Variants in LATS2 observed in about 807,000 individuals in gnomAD.
LATS2 encodes the protein large tumor suppressor kinase 2, also known as serine/threonine-protein kinase LATS2.
LATS2 carries 24 observed loss-of-function variants against 76.0 expected under a neutral mutation model. The ratio of observed to expected loss-of-function variants is 0.32; its 90% CI spans 0.23 to 0.44. LATS2 has a LOEUF of 0.44. Among genes scored for constraint, LATS2 ranks in the 20% least tolerant of loss-of-function variants. The pLI is 1.00. For synonymous variants in LATS2, 692 were observed against 635.4 expected, an observed-to-expected ratio of 1.09 and a Z score of -1.34; for missense variants, 1,286 against 1,481.2, an observed-to-expected ratio of 0.87 and a Z score of 2.16.
At chr13:21,043,692 A>G (rs1352750118) in intron 2 of LATS2, among the ~76,000 whole-genome samples, 1 of 152,182 alleles carries the variant, frequency 6.6e-6, no homozygotes, top group Non-Finnish European at 1.5e-5. Flanking sequence ...CTTTTAGTGT[A>G]TTTGTGTTTC....
intron 2 of LATS2, among the ~76,000 whole-genome samples, chr13:20,998,604 C>T (rs903232003): frequency 1.3e-5 from 2 of 152,238 alleles, no homozygotes; most frequent in Admixed American, 6.5e-5. Context: ...CAACCCCACC[C>T]CCACGGAAAG....
At chr13:21,047,120 C>T (rs1873101800) in intron 1 of LATS2, among the ~76,000 whole-genome samples, 1 of 152,110 alleles carries the variant, frequency 6.6e-6, no homozygotes. Context: ...TTCTACCTAC[C>T]CCAGGCCTCG....
chr13:21,034,390 C>T (rs1219211016), intron 2 of LATS2, among the ~76,000 whole-genome samples: 1 of 152,156 alleles, frequency 6.6e-6, no homozygotes, highest in African/African-American at 2.4e-5. Context: ...CTGCTTAAAC[C>T]CCCATGACCA....
intron 1 of LATS2, among the ~76,000 whole-genome samples, chr13:21,060,249 A>C (rs1873585486): frequency 1.3e-5 from 2 of 152,176 alleles, no homozygotes; most frequent in Non-Finnish European, 2.9e-5. Flanking sequence ...AAAGCTCCCC[A>C]GAAGTTCTGG....
At chr13:20,995,938 G>A (rs1166766912) in intron 2 of LATS2, among the ~76,000 whole-genome samples, 4 of 152,276 alleles carry the variant, frequency 2.6e-5, no homozygotes, top group South Asian at 4.1e-4. Context: ...ACCTAGCCAC[G>A]TGCAACAAGA....
chr13:20,985,424 T>C (rs905818540), intron 4 of LATS2, among the ~76,000 whole-genome samples: 5 of 152,106 alleles, frequency 3.3e-5, no homozygotes, highest in African/African-American at 1.2e-4. Flanking sequence ...GCAAAAAAAA[T>C]ATCAAATAAT....
At chr13:21,038,189 C>A (rs1377325969) in intron 2 of LATS2, among the ~76,000 whole-genome samples, 1 of 151,998 alleles carries the variant, frequency 6.6e-6, no homozygotes, top group South Asian at 2.1e-4. Flanking sequence ...CAACCAGGAG[C>A]CACCAAGATC....
chr13:21,016,914 T>C (rs1015556060), intron 2 of LATS2, among the ~76,000 whole-genome samples: 1 of 152,108 alleles, frequency 6.6e-6, no homozygotes, highest in Admixed American at 6.5e-5. Flanking sequence ...CAAAGATAAG[T>C]AAAACCAACT....
intron 2 of LATS2, among the ~76,000 whole-genome samples, chr13:21,011,381 G>T (rs761666490): frequency 5.9e-5 from 9 of 152,328 alleles, no homozygotes; most frequent in Non-Finnish European, 1.0e-4. Context: ...TGCTACAAAT[G>T]ATCTAGACAT....
chr13:21,032,731 C>T lies in LATS2; in HGVS notation c.342+12954G>A, dbSNP rs190960225. 2.2e-3 allele frequency among the ~76,000 whole-genome samples: 336 copies of T among 152,206 alleles called. 1 individual carries two copies. The highest frequency in any genetic ancestry group is 3.9e-3 in the Admixed American group (59 of 15,292). ...CCTACCATGGTTCCCTGGATGGTAC[C>T]GACACAAATGGGAATTCAGAAAAGA... On this transcript the variant is annotated intron_variant, in intron 2 of 7. Transcript: ENST00000382592.
intron 4 of LATS2, 78 bp from the exon 5 acceptor site, chr13:20,983,884 C>T (rs1011051458): frequency 1.9e-5 from 22 of 1,171,624 alleles, no homozygotes; most frequent in Admixed American, 6.1e-5. Context: ...ATGGGGATGC[C>T]CTGGAACTGA....
intron 3 of LATS2, 66 bp from the exon 4 acceptor site, chr13:20,989,370 G>T: frequency 6.4e-7 from 1 of 1,558,156 alleles, no homozygotes. Context: ...GGCACTTCCA[G>T]GCTGGTCCCC....
Position 20,973,657 on chromosome 13 carries a change from T to C in LATS2, c.*1213A>G, listed in dbSNP as rs1196110726. Reference sequence around the variant, plus strand: ...AGGAATATGTATTGTTTAAACCAAGTTAAGATTTGATACTTCAAAGTACAC... The same window carrying C: ...AGGAATATGTATTGTTTAAACCAAGCTAAGATTTGATACTTCAAAGTACAC... On this transcript the variant is annotated 3_prime_UTR_variant, in exon 8 of 8. Transcript: ENST00000382592. 1.3e-5 allele frequency: 3 copies of C among 231,054 alleles called. No homozygotes were observed. The highest frequency in any genetic ancestry group is 6.6e-5 in the African/African-American group (3 of 45,178). 14.3% of individuals were successfully genotyped at this position (231,054 alleles called of 1,614,324 possible).
intron 2 of LATS2, among the ~76,000 whole-genome samples, chr13:21,003,223 A>G (rs977788909): frequency 6.6e-6 from 1 of 152,188 alleles, no homozygotes; most frequent in East Asian, 1.9e-4. Flanking sequence ...AATTTTGAGA[A>G]CCTAAATAAA....
chr13:20,999,740 G>A (rs1039192757), intron 2 of LATS2, among the ~76,000 whole-genome samples: 25 of 151,990 alleles, frequency 1.6e-4, no homozygotes, highest in Admixed American at 6.6e-4. Context: ...TTACAGACAT[G>A]AGCTAGGGTG....
At chr13:21,016,810 C>A (rs1871816949) in intron 2 of LATS2, among the ~76,000 whole-genome samples, 1 of 151,850 alleles carries the variant, frequency 6.6e-6, no homozygotes, top group Admixed American at 6.5e-5. Context: ...AAACCTCTCA[C>A]TAATAAAACT....
chr13:21,020,267 G>A (rs1384594701), intron 2 of LATS2, among the ~76,000 whole-genome samples: 2 of 152,138 alleles, frequency 1.3e-5, no homozygotes, highest in African/African-American at 4.8e-5. Flanking sequence ...TCAGCCAAGT[G>A]AATATCTGAA....
At chr13:21,031,826 G>A (rs191380583) in intron 2 of LATS2, among the ~76,000 whole-genome samples, 29 of 152,192 alleles carry the variant, frequency 1.9e-4, no homozygotes, top group Admixed American at 3.9e-4. Flanking sequence ...ACTGCACTCC[G>A]GCCTGGGTGA....
intron 1 of LATS2, among the ~76,000 whole-genome samples, chr13:21,049,666 C>A (rs1446334941): frequency 2.0e-5 from 3 of 152,132 alleles, no homozygotes; most frequent in African/African-American, 7.2e-5. Flanking sequence ...AGAGACACTG[C>A]AGACTGAAGA....
Sources: allele counts gnomAD v4.1 joint callset (sites outside exome capture counted in the v4.1 genomes callset), GRCh38; gene constraint gnomAD v4.1.1; transcripts MANE v1.5; gene names NCBI Gene and HGNC (gene_info 2026-07-23, HGNC 2026-07-21).